Variants in HYDIN observed in about 807,000 individuals in gnomAD.
The protein encoded by HYDIN is HYDIN axonemal central pair apparatus protein.
HYDIN carries 132 observed loss-of-function variants against 403.9 expected under a neutral mutation model. That is an observed-to-expected ratio of 0.33 (90% confidence interval 0.28 to 0.38). The LOEUF (loss-of-function observed/expected upper bound fraction) is 0.38. Ranked by LOEUF, HYDIN falls within the 10% of genes least tolerant of loss-of-function variation. The pLI, the probability that HYDIN is intolerant of heterozygous loss-of-function variation, is 1.00. For synonymous variants in HYDIN, 1,202 were observed against 1,891.7 expected (o/e 0.64, Z 9.46); for missense variants, 2,827 against 5,009.5 (o/e 0.56, Z 13.15).
chr16:70,824,621 G>A (rs2036471962), intron 83 of HYDIN, among the ~76,000 whole-genome samples: 1 of 149,396 alleles, frequency 6.7e-6, no homozygotes, highest in Non-Finnish European at 1.5e-5. Context: ...TCTGCCTCCT[G>A]GGTTCAAGCA....
At chr16:71,228,703 T>C (rs536280935) in intron 1 of HYDIN, among the ~76,000 whole-genome samples, 1 of 152,342 alleles carries the variant, frequency 6.6e-6, no homozygotes, top group Admixed American at 6.5e-5. Context: ...TTTACACTGT[T>C]GGTGGGACTG....
intron 18 of HYDIN, among the ~76,000 whole-genome samples, chr16:71,046,569 T>G (rs1296528577): frequency 1.3e-5 from 2 of 152,124 alleles, no homozygotes; most frequent in Non-Finnish European, 2.9e-5. Flanking sequence ...GAAGACATAC[T>G]CCAGGTGCCA....
intron 21 of HYDIN, among the ~76,000 whole-genome samples, chr16:71,022,289 C>G (rs988544369): frequency 4.6e-5 from 7 of 152,166 alleles, no homozygotes; most frequent in Non-Finnish European, 1.0e-4. Flanking sequence ...TTTAAAATGA[C>G]CCCTTCTCTT....
intron 18 of HYDIN, among the ~76,000 whole-genome samples, chr16:71,044,835 T>A (rs1428031640): frequency 6.8e-6 from 1 of 147,550 alleles, no homozygotes; most frequent in Non-Finnish European, 1.5e-5. Context: ...AGACTAACCA[T>A]TGGATATTGT....
At chr16:71,188,159 A>T (rs1015122591) in intron 1 of HYDIN, among the ~76,000 whole-genome samples, 4 of 151,878 alleles carry the variant, frequency 2.6e-5, no homozygotes, top group Non-Finnish European at 4.4e-5. Context: ...CAAGAAGAGG[A>T]TTTCTATCTT....
chr16:71,018,549 TA>T, intron 22 of HYDIN, 107 bp from the exon 23 acceptor site: 2 of 640,936 alleles, frequency 3.1e-6, no homozygotes, highest in Non-Finnish European at 5.6e-6. Flanking sequence ...TACATGTATT[TA>T]TGCACACACA....
chr16:71,089,245 T>G (rs1401937173), intron 11 of HYDIN, among the ~76,000 whole-genome samples: 10 of 152,098 alleles, frequency 6.6e-5, no homozygotes, highest in Admixed American at 6.5e-4. Context: ...AGCTCCTTCA[T>G]GCACACTCGT....
At chr16:71,137,786 A>AT (rs1409953482) in intron 7 of HYDIN, among the ~76,000 whole-genome samples, 2 of 152,240 alleles carry the variant, frequency 1.3e-5, no homozygotes, top group African/African-American at 4.8e-5. Flanking sequence ...ATATGAGAGA[A>AT]TTTAAGTCCA....
intron 13 of HYDIN, among the ~76,000 whole-genome samples, chr16:71,079,249 C>A (rs1410462218): frequency 6.6e-6 from 1 of 152,006 alleles, no homozygotes; most frequent in East Asian, 1.9e-4. Context: ...TTCTCAGCCG[C>A]CATCTCTTCA....
chr16:71,194,175 G>T (rs1005761725), intron 1 of HYDIN, among the ~76,000 whole-genome samples: 1 of 152,226 alleles, frequency 6.6e-6, no homozygotes, highest in Admixed American at 6.5e-5. Flanking sequence ...CACTTTGGGA[G>T]GCTGAGGCAG....
At chr16:71,230,517 T>C (rs895709350) in intron 1 of HYDIN, 45 bp downstream of exon 1, 7 of 1,498,262 alleles carry the variant, frequency 4.7e-6, no homozygotes, top group African/African-American at 4.1e-5. Context: ...TTAGCCCCCA[T>C]GTCCCTCACA....
chr16:71,197,671 G>A (rs750497003), intron 1 of HYDIN, among the ~76,000 whole-genome samples: 10 of 152,122 alleles, frequency 6.6e-5, no homozygotes, highest in Admixed American at 1.3e-4. Context: ...CCTCTCACCC[G>A]TAGACGCTCT....
In HYDIN at chr16:71,065,104, A is replaced by G. The variant is rs111961746; in HGVS notation, c.2076-264T>C. Among the ~76,000 whole-genome samples the G allele has an allele frequency of 2.6e-5, 4 of 152,350 alleles. No individual in the cohort carries two copies. In the South Asian group the frequency reaches 8.3e-4, roughly 32 times the overall value. ...ATGACTCACATTTCCATTGTTTTAT[A>G]TATTTGGCCTTCTTTGGGCAAGGGG... On this transcript the variant is annotated intron_variant, in intron 15 of 85. Transcript: ENST00000393567.
At chr16:71,203,931 G>T (rs1170926021) in intron 1 of HYDIN, 1 of 399,946 alleles carries the variant, frequency 2.5e-6, no homozygotes, top group Non-Finnish European at 4.9e-6. Context: ...TGTGCATGGT[G>T]GTGCACACCT....
In HYDIN at chr16:70,862,079, T is replaced by C; in HGVS notation, c.11746A>G (p.Ile3916Val). ...AAAAGGTTGCTCTCGAAGTCTCCAA[T>C]GTCCAACGGGGAGAATTTTACTTTG... is the stretch of plus-strand genomic sequence containing the variant. ...KFKVKFSPLD[I>V]GDFESNLFCQ... Residue 3916 changes from isoleucine (I) to valine (V), a missense_variant, in exon 69 of 86, where the codon ATT becomes GTT. Coordinates refer to ENST00000393567, the MANE Select transcript of HYDIN (RefSeq NM_001270974.2). 1 of 1,603,900 alleles carries C rather than the reference T, an allele frequency of 6.2e-7. No individual in the cohort carries two copies. Among genetic ancestry groups the C allele is most frequent in the Non-Finnish European group, 8.5e-7 (1 of 1,175,142 alleles).
intron 36 of HYDIN, 122 bp downstream of exon 36, chr16:70,970,398 C>G (rs1273610947): frequency 1.1e-5 from 6 of 567,260 alleles, no homozygotes; most frequent in Non-Finnish European, 1.9e-5. Context: ...GGATTTTACT[C>G]AGGTCAAGGG....
chr16:70,834,998 A>ATATGTGTG (rs1555539593), intron 78 of HYDIN, among the ~76,000 whole-genome samples: 1 of 143,116 alleles, frequency 7.0e-6, no homozygotes, highest in African/African-American at 2.7e-5. Context: ...ATATACACAC[A>ATATGTGTG]TATATATATA....
At chr16:71,181,441 C>A (rs2086900871) in intron 3 of HYDIN, among the ~76,000 whole-genome samples, 1 of 151,804 alleles carries the variant, frequency 6.6e-6, no homozygotes, top group Non-Finnish European at 1.5e-5. Flanking sequence ...ATTAGAAAGC[C>A]CCCAAACCAA....
At chr16:71,192,353 C>G (rs1205974064) in intron 1 of HYDIN, among the ~76,000 whole-genome samples, 1 of 152,184 alleles carries the variant, frequency 6.6e-6, no homozygotes, top group African/African-American at 2.4e-5. Context: ...TCCCATACCC[C>G]AGCCATTCTC....
Sources: gnomAD v4.1 joint callset for allele counts (sites outside exome capture counted in the v4.1 genomes callset) on GRCh38, gnomAD v4.1.1 for gene constraint, MANE v1.5 for transcripts, NCBI Gene and HGNC (gene_info 2026-07-23, HGNC 2026-07-21) for gene names.